Variants in RHOT1 observed in about 807,000 individuals in gnomAD.
RHOT1 encodes mitochondrial Rho GTPase 1.
RHOT1 carries 27 observed loss-of-function variants against 95.3 expected under a neutral mutation model. That is an observed-to-expected ratio of 0.28 (90% CI 0.21 to 0.39). The LOEUF (loss-of-function observed/expected upper bound fraction) is 0.39. Among genes scored for constraint, RHOT1 ranks in the 10% least tolerant of loss-of-function variants. The pLI, the probability that RHOT1 is intolerant of heterozygous loss-of-function variation, is 1.00. For missense variants in RHOT1, 578 were observed against 786.7 expected (o/e 0.73, Z 3.17); for synonymous variants, 227 against 263.5 (o/e 0.86, Z 1.34).
At chr17:32,190,347 C>T (rs780814011) in intron 8 of RHOT1, among the ~76,000 whole-genome samples, 20 of 151,794 alleles carry the variant, frequency 1.3e-4, no homozygotes, top group Non-Finnish European at 1.3e-4. Flanking sequence ...CCCAGCTACT[C>T]GGGAGACTGA....
chr17:32,157,176 G>A (rs1206684033), intron 1 of RHOT1, among the ~76,000 whole-genome samples: 1 of 152,172 alleles, frequency 6.6e-6, no homozygotes, highest in Non-Finnish European at 1.5e-5. Context: ...ATCATTTGAA[G>A]CTCCCTTCCC....
intron 1 of RHOT1, among the ~76,000 whole-genome samples, chr17:32,148,995 C>T (rs891998708): frequency 6.6e-6 from 1 of 152,158 alleles, no homozygotes; most frequent in Non-Finnish European, 1.5e-5. Flanking sequence ...CATGGAGTCT[C>T]AGAACTGTGG....
chr17:32,175,963 C>G lies in RHOT1; in HGVS notation c.224C>G (p.Ala75Gly). 6.4e-7 allele frequency: 1 copy of G among 1,562,058 alleles called. No individual in the cohort carries two copies. ...DEQLHQEISQANVICIVYAVN... is the reference protein window; with the variant it reads ...DEQLHQEISQGNVICIVYAVN... ...TTAATTTGTTAATTTTTCTTCTAGG[C>G]TAATGTCATCTGTATAGTGTATGCC... The change falls in exon 5 of 20, where the codon GCT (alanine) becomes GGT (glycine). Residue 75 changes from alanine (A) to glycine (G), a missense_variant and splice_region_variant. Transcript: ENST00000545287.
intron 19 of RHOT1, among the ~76,000 whole-genome samples, chr17:32,214,014 G>T (rs1262346878): frequency 2.6e-5 from 4 of 152,128 alleles, no homozygotes. Context: ...TGGAAAGAAT[G>T]AAAACGACAA....
intron 1 of RHOT1, among the ~76,000 whole-genome samples, chr17:32,149,637 G>GTATA (rs2031997890): frequency 1.2e-5 from 1 of 82,640 alleles, no homozygotes; most frequent in Admixed American, 1.3e-4. Flanking sequence ...ATATATATAT[G>GTATA]TGTGTGTGTG....
chr17:32,211,765 C>T (rs991132403), intron 19 of RHOT1, among the ~76,000 whole-genome samples: 2 of 152,012 alleles, frequency 1.3e-5, no homozygotes, highest in African/African-American at 2.4e-5. Context: ...AACATGGTTT[C>T]TAGACATGAG....
In RHOT1 at chr17:32,142,743, C is replaced by T. The variant is rs2030538473; in HGVS notation, c.37+14C>T. The T allele has an allele frequency of 2.7e-6, 4 of 1,504,930 alleles. No individual in the cohort carries two copies. The highest frequency in any genetic ancestry group is 2.4e-4 in the Middle Eastern group (1 of 4,244). The allele number at this position is 1,504,930 out of a possible 1,614,324, so 93.2% of individuals were successfully genotyped here. A position where few individuals can be genotyped will look rare whatever the true frequency, so the allele number is the denominator to read the frequency against. ...TGGTGGGAGAACGTGAGTCCGCACC[C>T]TCTGGCCGGCCCCTGAGTCCCTGCC... On this transcript the variant is annotated intron_variant, in intron 1 of 19. Transcript: ENST00000545287.
At chr17:32,154,375 T>C (rs946690425) in intron 1 of RHOT1, among the ~76,000 whole-genome samples, 7 of 141,452 alleles carry the variant, frequency 4.9e-5, no homozygotes, top group Non-Finnish European at 1.1e-4. Flanking sequence ...GGTCAGGAGA[T>C]CAAGACCATC....
chr17:32,210,329 G>T (rs75415825), intron 18 of RHOT1, among the ~76,000 whole-genome samples: 179 of 152,206 alleles, frequency 1.2e-3, no homozygotes, highest in Non-Finnish European at 1.8e-3. Context: ...AGGTGAAATG[G>T]GTTGCCCCCT....
chr17:32,221,938 C>CAACA (rs886441931), intron 19 of RHOT1, among the ~76,000 whole-genome samples: 5 of 152,078 alleles, frequency 3.3e-5, no homozygotes, highest in East Asian at 3.8e-4. Context: ...TCATCTCTAT[C>CAACA]AACAAACAAA....
intron 6 of RHOT1, chr17:32,180,048 A>G (rs1465463523): frequency 7.2e-4 from 85 of 117,406 alleles, no homozygotes; most frequent in African/African-American, 2.1e-3. Flanking sequence ...CTGCCCAGCC[A>G]CCCATCGTCT....
chr17:32,220,805 C>CAAA (rs35901144), intron 19 of RHOT1, among the ~76,000 whole-genome samples: 9 of 99,000 alleles, frequency 9.1e-5, no homozygotes, highest in African/African-American at 2.7e-4. Context: ...GACTCTGTCT[C>CAAA]AAAAAAAAAA....
chr17:32,165,505 C>G (rs1276938407), intron 1 of RHOT1, among the ~76,000 whole-genome samples: 1 of 149,948 alleles, frequency 6.7e-6, no homozygotes, highest in Admixed American at 6.6e-5. Flanking sequence ...CCTGAGTGAT[C>G]GAGAGAGACC....
At chr17:32,186,098 G>C (rs1311047899) in intron 8 of RHOT1, among the ~76,000 whole-genome samples, 1 of 152,128 alleles carries the variant, frequency 6.6e-6, no homozygotes, top group East Asian at 1.9e-4. Context: ...ACATACGGAG[G>C]AACCAGCAGC....
At chr17:32,156,255 G>GGT (rs1215534356) in intron 1 of RHOT1, among the ~76,000 whole-genome samples, 1 of 152,218 alleles carries the variant, frequency 6.6e-6, no homozygotes, top group East Asian at 1.9e-4. Flanking sequence ...CTTACGTAGT[G>GGT]GTGTGTGAAT....
chr17:32,162,272 C>A (rs984160829), intron 1 of RHOT1, among the ~76,000 whole-genome samples: 2 of 152,246 alleles, frequency 1.3e-5, no homozygotes, highest in Middle Eastern at 3.4e-3. Context: ...TTGAAAGGGA[C>A]TCATTATTCA....
At chr17:32,169,472 T>C (rs886821955) in intron 1 of RHOT1, among the ~76,000 whole-genome samples, 1 of 152,230 alleles carries the variant, frequency 6.6e-6, no homozygotes, top group African/African-American at 2.4e-5. Context: ...TAGGAGACTT[T>C]CTTTGCTTTT....
At chr17:32,189,295 C>T (rs1004774141) in intron 8 of RHOT1, among the ~76,000 whole-genome samples, 1 of 151,974 alleles carries the variant, frequency 6.6e-6, no homozygotes, top group South Asian at 2.1e-4. Context: ...CGAGGAGACC[C>T]CACCTCAAGA....
chr17:32,174,750 C>T lies in RHOT1; in HGVS notation c.179-569C>T, dbSNP rs150627146. On this transcript the variant is annotated intron_variant, in intron 3 of 19. Coordinates refer to ENST00000545287, the MANE Select transcript of RHOT1 (RefSeq NM_001033566.3). ...GCTTTGCTCTTCAATTATTTGCTTT[C>T]TATCCTAGCTATATCATTCATATCC... is the stretch of plus-strand genomic sequence containing the variant. Among the ~76,000 whole-genome samples, 1,366 of 152,276 alleles carry T rather than the reference C, an allele frequency of 9.0e-3. 25 individuals are homozygous for T. The highest frequency in any genetic ancestry group is 0.031 in the African/African-American group (1,293 of 41,560).
Sources: gnomAD v4.1 joint callset for allele counts (sites outside exome capture counted in the v4.1 genomes callset) on GRCh38, gnomAD v4.1.1 for gene constraint, MANE v1.5 for transcripts, NCBI Gene and HGNC (gene_info 2026-07-23, HGNC 2026-07-21) for gene names.